SGCZ: variants seen among roughly 807,000 people sequenced by gnomAD.
SGCZ encodes the protein sarcoglycan zeta.
SGCZ carries 40 observed loss-of-function variants against 41.3 expected under a neutral mutation model. The ratio of observed to expected loss-of-function variants is 0.97; its 90% CI spans 0.75 to 1.26. The LOEUF is 1.26. Among genes scored for constraint, SGCZ ranks in the 50% most tolerant of loss-of-function variants. The probability of loss-of-function intolerance (pLI) is 0.00; values close to 1 mark genes in which losing one functional copy is unlikely to be tolerated. For missense variants in SGCZ, 552 were observed against 369.8 expected (o/e 1.49, Z -4.04); for synonymous variants, 206 against 137.5 (o/e 1.50, Z -3.49).
At chr8:15,207,983 C>G (rs1174336426) in intron 1 of SGCZ, among the ~76,000 whole-genome samples, 3 of 152,224 alleles carry the variant, frequency 2.0e-5, no homozygotes, top group East Asian at 3.9e-4. Context: ...GTTTGCTTAG[C>G]CTGCTTTCAG....
chr8:14,787,942 A>G (rs1800822709), intron 1 of SGCZ, among the ~76,000 whole-genome samples: 1 of 152,190 alleles, frequency 6.6e-6, no homozygotes, highest in Admixed American at 6.5e-5. Flanking sequence ...TGTTCAGGCA[A>G]TCCCTAGTTG....
At chr8:15,161,405 T>C (rs1388002821) in intron 1 of SGCZ, among the ~76,000 whole-genome samples, 1 of 152,176 alleles carries the variant, frequency 6.6e-6, no homozygotes, top group Non-Finnish European at 1.5e-5. Context: ...CCACTCATTA[T>C]ACCATATATA....
chr8:14,553,632 C>T (rs774086501), intron 2 of SGCZ, among the ~76,000 whole-genome samples: 5 of 152,040 alleles, frequency 3.3e-5, no homozygotes, highest in Non-Finnish European at 5.9e-5. Flanking sequence ...AGGCTCCTTG[C>T]TCACATAATT....
At chr8:14,234,473 T>C (rs951470854) in intron 4 of SGCZ, among the ~76,000 whole-genome samples, 2 of 152,090 alleles carry the variant, frequency 1.3e-5, no homozygotes, top group Non-Finnish European at 2.9e-5. Flanking sequence ...CAAATTGTTA[T>C]GTTTTTAGAA....
intron 1 of SGCZ, among the ~76,000 whole-genome samples, chr8:14,869,955 C>G (rs1056101489): frequency 2.0e-5 from 3 of 152,146 alleles, no homozygotes; most frequent in Non-Finnish European, 4.4e-5. Context: ...GAAAAATATT[C>G]CATGCTCATG....
At chr8:14,957,747 T>C (rs549488598) in intron 1 of SGCZ, among the ~76,000 whole-genome samples, 2 of 152,236 alleles carry the variant, frequency 1.3e-5, no homozygotes, top group East Asian at 1.9e-4. Context: ...ATTGTGAATA[T>C]ACATTCATGA....
intron 1 of SGCZ, among the ~76,000 whole-genome samples, chr8:14,707,496 C>T (rs771674825): frequency 2.6e-5 from 4 of 152,030 alleles, no homozygotes; most frequent in Non-Finnish European, 2.9e-5. Flanking sequence ...GCTCAGGAAT[C>T]GATCAGCATA....
intron 3 of SGCZ, among the ~76,000 whole-genome samples, chr8:14,240,329 A>C (rs1414221838): frequency 3.1e-4 from 1 of 3,180 alleles, no homozygotes; most frequent in Admixed American, 2.6e-3. Context: ...CTCTGTGTCA[A>C]AAAAAAAAAA....
rs386360409 is a variant in SGCZ at position 14,568,444 on chromosome 8, G to GA, written c.40-13519dup. Among the ~76,000 whole-genome samples the GA allele has an allele frequency of 4.6e-3, 590 of 127,770 alleles. 4 individuals are homozygous for GA. Among genetic ancestry groups the GA allele is most frequent in the East Asian group, 9.1e-3 (40 of 4,386 alleles). 83.8% of individuals were successfully genotyped at this position (127,770 alleles called of 152,430 possible). A position where few individuals can be genotyped will look rare whatever the true frequency, so the allele number is the denominator to read the frequency against. On this transcript the variant is annotated intron_variant, in intron 1 of 7. Coordinates refer to ENST00000382080, the MANE Select transcript of SGCZ (RefSeq NM_139167.4). ...TTGAAAAAAAAAAAATACATTATCA[G>GA]AAAAAAAAAAAAAAAACTAAAGAAG...
intron 1 of SGCZ, among the ~76,000 whole-genome samples, chr8:14,656,543 T>C (rs1585159075): frequency 7.3e-6 from 1 of 137,850 alleles, no homozygotes; most frequent in African/African-American, 2.5e-5. Context: ...TTTTCTTTCT[T>C]TCCCTTTCTT....
chr8:14,507,439 T>G (rs1188837020), intron 2 of SGCZ, among the ~76,000 whole-genome samples: 1 of 152,218 alleles, frequency 6.6e-6, no homozygotes, highest in Non-Finnish European at 1.5e-5. Flanking sequence ...TACAATGATC[T>G]ACACAATATG....
intron 1 of SGCZ, among the ~76,000 whole-genome samples, chr8:14,618,759 G>A (rs1280310749): frequency 1.3e-5 from 2 of 152,122 alleles, no homozygotes; most frequent in African/African-American, 2.4e-5. Context: ...AATAGCCACC[G>A]AGGTCATGTG....
intron 2 of SGCZ, among the ~76,000 whole-genome samples, chr8:14,362,396 G>A (rs1803555176): frequency 6.6e-6 from 1 of 152,186 alleles, no homozygotes; most frequent in Admixed American, 6.5e-5. Flanking sequence ...TCAAGCCTCA[G>A]CAATGGTGGA....
chr8:15,066,079 CGG>C (rs1324254729), intron 1 of SGCZ, among the ~76,000 whole-genome samples: 4 of 151,950 alleles, frequency 2.6e-5, no homozygotes, highest in African/African-American at 9.7e-5. Context: ...GAGGCCGAGG[CGG>C]GTGGATCATG....
At chr8:14,708,741 G>A (rs57386250) in intron 1 of SGCZ, among the ~76,000 whole-genome samples, 5 of 151,722 alleles carry the variant, frequency 3.3e-5, no homozygotes, top group East Asian at 1.9e-4. Context: ...GAATATATGC[G>A]TTTTTTAATG....
chr8:14,667,411 G>C (rs1807943946), intron 1 of SGCZ, among the ~76,000 whole-genome samples: 1 of 152,076 alleles, frequency 6.6e-6, no homozygotes, highest in Non-Finnish European at 1.5e-5. Context: ...CACAAAATGT[G>C]GGATATCACA....
chr8:14,447,590 C>A (rs548500965), intron 2 of SGCZ, among the ~76,000 whole-genome samples: 2 of 152,136 alleles, frequency 1.3e-5, no homozygotes, highest in Admixed American at 6.5e-5. Context: ...ACAACTCTTA[C>A]GCTGTGCTTT....
chr8:14,135,372 T>C (rs1164270796), intron 5 of SGCZ, among the ~76,000 whole-genome samples: 1 of 152,212 alleles, frequency 6.6e-6, no homozygotes, highest in Non-Finnish European at 1.5e-5. Flanking sequence ...AGCAGAAATA[T>C]CATAGGCATG....
chr8:14,187,108 C>G (rs1232944133), intron 4 of SGCZ, among the ~76,000 whole-genome samples: 1 of 152,150 alleles, frequency 6.6e-6, no homozygotes, highest in Non-Finnish European at 1.5e-5. Flanking sequence ...ATGCCTAAGA[C>G]TGTACCCTCT....
Sources: allele counts gnomAD v4.1 joint callset (sites outside exome capture counted in the v4.1 genomes callset), GRCh38; gene constraint gnomAD v4.1.1; transcripts MANE v1.5; gene names NCBI Gene and HGNC (gene_info 2026-07-23, HGNC 2026-07-21).